The following COL5A1 variants were observed in gnomAD, a reference collection of about 807,000 sequenced individuals.
The protein encoded by COL5A1 is collagen alpha-1(V) chain.
In COL5A1, 16 loss-of-function variants were observed where a neutral mutation model predicts 263.7. The ratio of observed to expected loss-of-function variants is 0.06; its 90% CI spans 0.04 to 0.09. COL5A1 has a LOEUF of 0.09. Among genes scored for constraint, COL5A1 ranks in the 10% least tolerant of loss-of-function variants. The pLI, the probability that COL5A1 is intolerant of heterozygous loss-of-function variation, is 1.00. For synonymous variants in COL5A1, 1,012 were observed against 1,004.5 expected, an observed-to-expected ratio of 1.01 and a Z score of -0.14; for missense variants, 2,036 against 2,540.5, an observed-to-expected ratio of 0.80 and a Z score of 4.27.
In COL5A1 at chr9:134,686,755, A is replaced by G. The variant is rs550616156; in HGVS notation, c.110-4157A>G. 6.6e-6 allele frequency among the ~76,000 whole-genome samples: 1 copy of G among 152,342 alleles called. No individual in the cohort carries two copies. Among genetic ancestry groups the G allele is most frequent in the South Asian group, 2.1e-4 (1 of 4,822 alleles). On this transcript the variant is annotated intron_variant, in intron 1 of 65. Coordinates refer to ENST00000371817, the MANE Select transcript of COL5A1 (RefSeq NM_000093.5). This position sits in a 1 kb window ranked among gnomAD's most constrained non-coding sequence, Gnocchi z 4.6. ...AACTCTGATCAACTCGGGGATGGAC[A>G]AGAGGTATTCCCTGGGCAAGCGAGG... is the stretch of plus-strand genomic sequence containing the variant.
At chr9:134,747,909 AC>A (rs1472283698) in intron 11 of COL5A1, among the ~76,000 whole-genome samples, 3 of 151,254 alleles carry the variant, frequency 2.0e-5, no homozygotes, top group African/African-American at 7.3e-5. Context: ...ACATGCAGAC[AC>A]ATGCACACAT....
At chr9:134,785,960 G>C (rs73664134) in intron 30 of COL5A1, 35 bp from the exon 31 acceptor site, 2 of 1,588,446 alleles carry the variant, frequency 1.3e-6, no homozygotes, top group Non-Finnish European at 1.7e-6. Context: ...GAGCAATACC[G>C]TGCTGGCCAT....
At chr9:134,727,154 C>G in intron 4 of COL5A1, 112 bp from the exon 5 acceptor site, 1 of 1,142,452 alleles carries the variant, frequency 8.8e-7, no homozygotes, top group Non-Finnish European at 1.3e-6. Flanking sequence ...ACAAGCTCGT[C>G]TTGTGGCTTG....
In COL5A1 at chr9:134,811,378, C is replaced by G; in HGVS notation, c.3568C>G (p.Gln1190Glu). ...GPTGPQGPIG[Q>E]PGPSGADGEP... ...TACAGGTCCTCAAGGCCCCATCGGA[C>G]AGCCAGGCCCCTCTGTGAGTATCCA... Residue 1190 changes from glutamine to glutamate, a missense_variant, in exon 45 of 66, where the codon CAG becomes GAG. Around this residue, in one of 3 missense-constraint regions of COL5A1, gnomAD observed 1,078 missense variants for 1,521.4 expected, o/e 0.71. Transcript: ENST00000371817. 6.2e-7 allele frequency: 1 copy of G among 1,613,684 alleles called. No individual in the cohort carries two copies. The highest frequency in any genetic ancestry group is 8.5e-7 in the Non-Finnish European group (1 of 1,179,856).
chr9:134,704,793 C>A (rs1588453856), intron 4 of COL5A1, among the ~76,000 whole-genome samples: 1 of 116,840 alleles, frequency 8.6e-6, no homozygotes, highest in African/African-American at 2.7e-5. Context: ...AGCATCTTTT[C>A]TTTTTTTTTT....
intron 4 of COL5A1, 80 bp downstream of exon 4, chr9:134,701,413 G>T: frequency 1.4e-6 from 2 of 1,449,856 alleles, no homozygotes; most frequent in Non-Finnish European, 1.9e-6. Flanking sequence ...GTTGGAGGAG[G>T]CTCCTCGGGC....
rs1391973830 is a variant in COL5A1 at position 134,652,490 on chromosome 9, C to G, written c.109+10194C>G. Reference sequence around the variant, plus strand: ...CAGGTGGACATCATGGCTTCTCAGCCCAGGCCATTTGGGGACATGTGGCAA... The same window carrying G: ...CAGGTGGACATCATGGCTTCTCAGCGCAGGCCATTTGGGGACATGTGGCAA... On this transcript the variant is annotated intron_variant, in intron 1 of 65. Transcript: ENST00000371817. The surrounding 1 kb of genome is among the most constrained non-coding windows in gnomAD (Gnocchi z 4.4). Among the ~76,000 whole-genome samples the G allele has an allele frequency of 6.6e-6, 1 of 152,134 alleles. No individual in the cohort carries two copies. The highest frequency in any genetic ancestry group is 1.5e-5 in the Non-Finnish European group (1 of 68,028).
At chr9:134,779,457 G>A (rs150644710) in intron 27 of COL5A1, among the ~76,000 whole-genome samples, 7 of 152,354 alleles carry the variant, frequency 4.6e-5, no homozygotes, top group Non-Finnish European at 8.8e-5. Flanking sequence ...TCATTCATTA[G>A]TAATATCACA....
chr9:134,808,529 A>T (rs954839940), intron 42 of COL5A1, among the ~76,000 whole-genome samples: 1 of 152,150 alleles, frequency 6.6e-6, no homozygotes, highest in African/African-American at 2.4e-5. Flanking sequence ...GTGCTTCTTT[A>T]TATGTCCTTG....
At chr9:134,829,916 C>A (rs1015604983) in intron 63 of COL5A1, 60 bp from the exon 64 acceptor site, 5 of 1,552,954 alleles carry the variant, frequency 3.2e-6, no homozygotes, top group East Asian at 2.3e-5. Context: ...CTCTGGAGGC[C>A]GGAGAAGTAA....
At position 134,828,097 on chromosome 9, in the gene COL5A1, C is replaced by T. The variant is rs139112660; in HGVS notation, c.5068-1879C>T. ...CAGTCCAGGCTGGGGACAGGCCGGC[C>T]CTGGGGGCCCTTCCACTCCACGCCT... is the stretch of plus-strand genomic sequence containing the variant. On this transcript the variant is annotated intron_variant, in intron 63 of 65. Coordinates refer to ENST00000371817, the MANE Select transcript of COL5A1 (RefSeq NM_000093.5). Among the ~76,000 whole-genome samples the T allele has an allele frequency of 9.0e-3, 1,372 of 152,304 alleles. 24 individuals carry two copies. Among genetic ancestry groups the T allele is most frequent in the African/African-American group, 0.031 (1,274 of 41,554 alleles).
Position 134,757,070 on chromosome 9 carries a change from C to T in COL5A1, c.1881+252C>T, listed in dbSNP as rs1184691290. ...GCGAGCAGGGATGGGGGTGGGATCCCGACTATGAAAACCATCCGTGGCCGT... is the reference window on the plus strand; with the variant it reads ...GCGAGCAGGGATGGGGGTGGGATCCTGACTATGAAAACCATCCGTGGCCGT... On this transcript the variant is annotated intron_variant, in intron 17 of 65. Transcript: ENST00000371817. This position sits in a 1 kb window ranked among gnomAD's most constrained non-coding sequence, Gnocchi z 6.2. 2.0e-5 allele frequency among the ~76,000 whole-genome samples: 3 copies of T among 152,074 alleles called. No homozygotes were observed. Among genetic ancestry groups the T allele is most frequent in the East Asian group, 1.9e-4 (1 of 5,144 alleles).
At chr9:134,840,052 C>T (rs767027846) in intron 65 of COL5A1, among the ~76,000 whole-genome samples, 3 of 152,232 alleles carry the variant, frequency 2.0e-5, no homozygotes, top group Admixed American at 2.0e-4. Flanking sequence ...TTTAGGACAG[C>T]GTTTCTCAAA....
Position 134,823,475 on chromosome 9 carries a change from T to G in COL5A1, c.4698+6T>G, listed in dbSNP as rs1839111152. On this transcript the variant is annotated splice_donor_region_variant and intron_variant, in intron 61 of 65. Transcript: ENST00000371817. Reference sequence around the variant, plus strand: ...CAGGACCCCCAGGCCCCCCGGTAAGTAGCCCTTGAAGCCCAGAAAGCGGGA... The same window carrying G: ...CAGGACCCCCAGGCCCCCCGGTAAGGAGCCCTTGAAGCCCAGAAAGCGGGA... 1 of 1,613,960 alleles carries G rather than the reference T, an allele frequency of 6.2e-7. No individual in the cohort carries two copies. Among genetic ancestry groups the G allele is most frequent in the South Asian group, 1.1e-5 (1 of 91,086 alleles).
chr9:134,841,401 G>C lies in COL5A1; in HGVS notation c.5371-756G>C, dbSNP rs1398791224. On this transcript the variant is annotated intron_variant, in intron 65 of 65. Coordinates refer to ENST00000371817, the MANE Select transcript of COL5A1 (RefSeq NM_000093.5). The surrounding 1 kb of genome is among the most constrained non-coding windows in gnomAD (Gnocchi z 4.8). ...AGAATCTCACACCTGCGCTGCCTGT[G>C]TTCTGGGAGGGAGGCGGCCTCTCCT... Among the ~76,000 whole-genome samples, 1 of 152,186 alleles carries C rather than the reference G, an allele frequency of 6.6e-6. No individual in the cohort carries two copies. Among genetic ancestry groups the C allele is most frequent in the East Asian group, 1.9e-4 (1 of 5,186 alleles).
Position 134,758,123 on chromosome 9 carries a change from T to G in COL5A1, c.1882-120T>G. ...GAGGGCTGGCCGATGGGGTTCAGGG[T>G]GCATAGATGCTGTGTGAAACGTGGT... On this transcript the variant is annotated intron_variant, in intron 17 of 65. Transcript: ENST00000371817. The surrounding 1 kb of genome is among the most constrained non-coding windows in gnomAD (Gnocchi z 4.1). 1.0e-6 allele frequency: 1 copy of G among 957,594 alleles called. No homozygotes were observed. The highest frequency in any genetic ancestry group is 1.7e-5 in the Admixed American group (1 of 57,424). The allele number at this position is 957,594 out of a possible 1,614,324, so 59.3% of individuals were successfully genotyped here. A position where few individuals can be genotyped will look rare whatever the true frequency, so the allele number is the denominator to read the frequency against.
At chr9:134,728,880 AGAG>A (rs1271100592) in intron 6 of COL5A1, 73 bp downstream of exon 6, 30 of 1,594,856 alleles carry the variant, frequency 1.9e-5, no homozygotes, top group Non-Finnish European at 2.2e-5. Flanking sequence ...CGAGGCCAGG[AGAG>A]GTTGTGTCAG....
At chr9:134,706,688 C>T (rs952773850) in intron 4 of COL5A1, among the ~76,000 whole-genome samples, 6 of 152,226 alleles carry the variant, frequency 3.9e-5, no homozygotes, top group African/African-American at 1.4e-4. Flanking sequence ...TCCCGGGGAC[C>T]AGTGGCAGGA....
At chr9:134,820,259 G>C in intron 58 of COL5A1, 36 bp downstream of exon 58, 3 of 1,556,432 alleles carry the variant, frequency 1.9e-6, no homozygotes, top group Non-Finnish European at 2.7e-6. Context: ...GTGGGCTGTC[G>C]AGAGGCATTT....
Sources: allele counts gnomAD v4.1 joint callset (sites outside exome capture counted in the v4.1 genomes callset), GRCh38; gene constraint gnomAD v4.1.1; regional missense constraint gnomAD v4.1.1; non-coding constraint Gnocchi (gnomAD v3.1); transcripts MANE v1.5; gene names NCBI Gene and HGNC (gene_info 2026-07-23, HGNC 2026-07-21).